Variants in RBBP8 observed in about 807,000 individuals in gnomAD.
RBBP8 encodes DNA endonuclease RBBP8.
Under a neutral mutation model 108.3 loss-of-function variants are expected in RBBP8, and 88 were observed. That is an observed-to-expected ratio of 0.81 (90% confidence interval 0.68 to 0.97). RBBP8 has a LOEUF of 0.97. Ranked by LOEUF, RBBP8 falls within the 50% of genes least tolerant of loss-of-function variation. The probability of loss-of-function intolerance (pLI) is 0.00; values close to 1 mark genes in which losing one functional copy is unlikely to be tolerated. For missense variants in RBBP8, 1,023 were observed against 1,049.0 expected (o/e 0.98, Z 0.34); for synonymous variants, 332 against 348.2 (o/e 0.95, Z 0.52).
intron 3 of RBBP8, among the ~76,000 whole-genome samples, chr18:22,925,852 A>C (rs1909772229): frequency 6.6e-6 from 1 of 152,250 alleles, no homozygotes; most frequent in Admixed American, 6.5e-5. Flanking sequence ...ACTTTAATAG[A>C]CAAAATGGTA....
intron 16 of RBBP8, among the ~76,000 whole-genome samples, chr18:23,011,777 G>A (rs900894572): frequency 1.3e-5 from 2 of 152,022 alleles, no homozygotes; most frequent in Admixed American, 6.6e-5. Context: ...CATCATGAAC[G>A]ATGCCCGTGT....
chr18:22,922,689 T>C (rs532550811), intron 3 of RBBP8, among the ~76,000 whole-genome samples: 9 of 152,228 alleles, frequency 5.9e-5, no homozygotes, highest in African/African-American at 1.7e-4. Flanking sequence ...GGTCTCAAAC[T>C]CCTGGGCTCA....
At chr18:22,972,383 AT>A (rs1335033513) in intron 5 of RBBP8, among the ~76,000 whole-genome samples, 3 of 149,404 alleles carry the variant, frequency 2.0e-5, no homozygotes, top group Non-Finnish European at 1.5e-5. Context: ...AAATCAAAGA[AT>A]TAGCTGGGAT....
chr18:22,980,880 A>G (rs553677341), intron 6 of RBBP8, among the ~76,000 whole-genome samples: 3 of 148,328 alleles, frequency 2.0e-5, no homozygotes, highest in Admixed American at 1.3e-4. Flanking sequence ...ACGCCTGGCA[A>G]ATTTTTTAAT....
chr18:22,984,947 T>C lies in RBBP8; in HGVS notation c.666T>C (p.Ile222=). ...HPQHNPNENE[I]LVADTYDQSQ... ...AACATAATCCTAATGAAAATGAAAT[T>C]CTAGTAGCTGACACTTATGACCAAA... Residue 222 remains isoleucine, a synonymous_variant, in exon 8 of 19, where the codon ATT becomes ATC. Transcript: ENST00000327155. 1.2e-6 allele frequency: 2 copies of C among 1,611,926 alleles called. No homozygotes were observed. Among genetic ancestry groups the C allele is most frequent in the Non-Finnish European group, 1.7e-6 (2 of 1,178,504 alleles).
intron 16 of RBBP8, among the ~76,000 whole-genome samples, chr18:23,016,524 C>G (rs2046258312): frequency 6.6e-6 from 1 of 152,096 alleles, no homozygotes; most frequent in Non-Finnish European, 1.5e-5. Context: ...GCCTGGCCAA[C>G]AGAGCAAGAC....
chr18:23,000,950 GAATT>G (rs1371092647), intron 14 of RBBP8, among the ~76,000 whole-genome samples: 1 of 152,130 alleles, frequency 6.6e-6, no homozygotes, highest in Non-Finnish European at 1.5e-5. Context: ...GAGAGTAACT[GAATT>G]AACACTCAGC....
intron 5 of RBBP8, among the ~76,000 whole-genome samples, chr18:22,971,066 T>C (rs746052069): frequency 3.9e-5 from 6 of 152,068 alleles, no homozygotes; most frequent in Non-Finnish European, 8.8e-5. Context: ...TGGCAGGTAC[T>C]TTTTCAGGCC....
Position 22,993,617 on chromosome 18 carries a change from A to G in RBBP8, c.1790A>G (p.Glu597Gly). ...PLRPRESLET[E>G]NVLDDIKSAG... Reference sequence around the variant, plus strand: ...CGTCCACGTGAAAGTTTGGAGACTGAGAATGTTTTAGATGACATAAAGGTT... The same window carrying G: ...CGTCCACGTGAAAGTTTGGAGACTGGGAATGTTTTAGATGACATAAAGGTT... The change falls in exon 11 of 19, where the codon GAG (glutamate) becomes GGG (glycine). Residue 597 changes from glutamate to glycine, a missense_variant. Physicochemically the swap from Glu to Gly is moderately conservative, Grantham distance 98. Transcript: ENST00000327155. 14 of 1,614,270 alleles carry G rather than the reference A, an allele frequency of 8.7e-6. No individual in the cohort carries two copies. Among genetic ancestry groups the G allele is most frequent in the Non-Finnish European group, 1.1e-5 (13 of 1,180,040 alleles).
intron 17 of RBBP8, among the ~76,000 whole-genome samples, chr18:23,019,140 T>C (rs2046308196): frequency 6.6e-6 from 1 of 152,230 alleles, no homozygotes; most frequent in African/African-American, 2.4e-5. Context: ...AAATTGAATA[T>C]ATCACGATGT....
chr18:23,011,629 T>C (rs1029867805), intron 16 of RBBP8, among the ~76,000 whole-genome samples: 7 of 151,870 alleles, frequency 4.6e-5, no homozygotes, highest in African/African-American at 1.7e-4. Context: ...TTAGTAGAGA[T>C]GGGGTTTCAC....
chr18:22,990,032 T>C (rs1010742510), intron 9 of RBBP8, among the ~76,000 whole-genome samples: 5 of 152,234 alleles, frequency 3.3e-5, no homozygotes, highest in African/African-American at 1.2e-4. Context: ...TCATTACATA[T>C]AGATTTTTTT....
Position 22,989,317 on chromosome 18 carries a change from C to T in RBBP8, c.806C>T (p.Ser269Phe). 1 of 1,585,760 alleles carries T rather than the reference C, an allele frequency of 6.3e-7. No individual in the cohort carries two copies. The highest frequency in any genetic ancestry group is 8.7e-7 in the Non-Finnish European group (1 of 1,154,882). ...ETLGLGVQEESETQGPMSPLG... is the reference protein window; with the variant it reads ...ETLGLGVQEEFETQGPMSPLG... ...CTTGGACTTGGTGTTCAAGAAGAAT[C>T]TGTAAGTAATTGTTTAGTTTGGCAA... The change falls in exon 9 of 19, where the codon TCT becomes TTT. Residue 269 changes from serine to phenylalanine, a missense_variant and splice_region_variant. By Grantham distance (155) the Ser-to-Phe change is radical. Transcript: ENST00000327155.
intron 15 of RBBP8, among the ~76,000 whole-genome samples, chr18:23,005,646 C>A (rs1369926930): frequency 6.6e-6 from 1 of 152,076 alleles, no homozygotes; most frequent in Non-Finnish European, 1.5e-5. Context: ...CTCCTGACCT[C>A]AGGTGATCCA....
In RBBP8 at chr18:22,990,129, T is replaced by TC. The variant is rs796748176; in HGVS notation, c.808-802dup. 3.3e-4 allele frequency among the ~76,000 whole-genome samples: 50 copies of TC among 152,150 alleles called. 1 individual carries two copies. The highest frequency in any genetic ancestry group is 1.2e-3 in the African/African-American group (48 of 41,490). On this transcript the variant is annotated intron_variant, in intron 9 of 18. Coordinates refer to ENST00000327155, the MANE Select transcript of RBBP8 (RefSeq NM_002894.3). ...TGAATGTGTTTTAATAGTTTCTAATTCCCCCCTACCCATAAACCTGGCAAG... is the reference window on the plus strand; with the variant it reads ...TGAATGTGTTTTAATAGTTTCTAATTCCCCCCCTACCCATAAACCTGGCAAG...
intron 2 of RBBP8, 94 bp from the exon 3 acceptor site, chr18:22,946,350 T>C: frequency 6.5e-7 from 1 of 1,542,942 alleles, no homozygotes; most frequent in Non-Finnish European, 8.8e-7. Context: ...CCTGGTTTAT[T>C]ATTTAGAGGC....
At chr18:23,012,305 G>C (rs11663501) in intron 16 of RBBP8, among the ~76,000 whole-genome samples, 1 of 149,696 alleles carries the variant, frequency 6.7e-6, no homozygotes, top group African/African-American at 2.5e-5. Context: ...TCAAATGCTA[G>C]AAATGATTAA....
intron 3 of RBBP8, among the ~76,000 whole-genome samples, chr18:22,926,687 A>C (rs1249338899): frequency 1.3e-5 from 2 of 152,254 alleles, no homozygotes; most frequent in African/African-American, 2.4e-5. Flanking sequence ...AGGGAAACGA[A>C]GAAGGTATGA....
At chr18:23,016,699 A>G in intron 16 of RBBP8, 129 bp from the exon 17 acceptor site, 1 of 737,754 alleles carries the variant, frequency 1.4e-6, no homozygotes, top group Non-Finnish European at 2.4e-6. Context: ...AGCACTTAAT[A>G]AGTATTTGAC....
Sources: gnomAD v4.1 joint callset for allele counts (sites outside exome capture counted in the v4.1 genomes callset) on GRCh38, gnomAD v4.1.1 for gene constraint, MANE v1.5 for transcripts, NCBI Gene and HGNC (gene_info 2026-07-23, HGNC 2026-07-21) for gene names.